RWDD2B: variants seen among roughly 807,000 people sequenced by gnomAD.
RWDD2B encodes RWD domain containing 2B.
In RWDD2B, 36 loss-of-function variants were observed where a neutral mutation model predicts 33.6. The observed-to-expected ratio is 1.07, with a 90% CI of 0.82 to 1.42. The LOEUF is 1.42. Among genes scored for constraint, RWDD2B ranks in the 40% most tolerant of loss-of-function variants. The pLI, the probability that RWDD2B is intolerant of heterozygous loss-of-function variation, is 0.00. For missense variants in RWDD2B, 364 were observed against 377.5 expected, an observed-to-expected ratio of 0.96 and a Z score of 0.30; for synonymous variants, 126 against 133.1, an observed-to-expected ratio of 0.95 and a Z score of 0.37.
Position 29,007,990 on chromosome 21 carries a change from C to T in RWDD2B, c.496G>A (p.Val166Ile), listed in dbSNP as rs745820456. The change falls in exon 4 of 5, where the codon GTC (valine) becomes ATC (isoleucine). Residue 166 changes from valine to isoleucine, a missense_variant. Transcript: ENST00000493196. ...GGTGAAGATGAAGTATCTCTGCTGA[C>T]ATAGCCAGAGGCGTGTTCTCTAACC... ...EWVREHASGYVSRDTSSSPTT... is the reference protein window; with the variant it reads ...EWVREHASGYISRDTSSSPTT... 1 of 1,614,232 alleles carries T rather than the reference C, an allele frequency of 6.2e-7. No homozygotes were observed. Among genetic ancestry groups the T allele is most frequent in the Non-Finnish European group, 8.5e-7 (1 of 1,180,046 alleles).
intron 1 of RWDD2B, among the ~76,000 whole-genome samples, chr21:29,011,418 G>A (rs2084858322): frequency 6.7e-6 from 1 of 149,990 alleles, no homozygotes; most frequent in African/African-American, 2.5e-5. Context: ...GAAGTGAGGA[G>A]CCCCTCCGCC....
At chr21:29,016,952 A>G (rs1204727986) in intron 1 of RWDD2B, among the ~76,000 whole-genome samples, 1 of 143,946 alleles carries the variant, frequency 6.9e-6, no homozygotes, top group African/African-American at 2.5e-5. Flanking sequence ...TACTATTATT[A>G]TTAATTAAAA....
At chr21:29,016,339 A>G (rs2084890116) in intron 1 of RWDD2B, among the ~76,000 whole-genome samples, 1 of 152,086 alleles carries the variant, frequency 6.6e-6, no homozygotes, top group African/African-American at 2.4e-5. Context: ...ATCTCGGCTC[A>G]CTGCAATCTC....
chr21:29,019,078 G>T, intron 1 of RWDD2B, 133 bp downstream of exon 1: 2 of 713,796 alleles, frequency 2.8e-6, no homozygotes, highest in South Asian at 3.5e-5. Context: ...GGACCGAGCC[G>T]ACCGATGGGC....
chr21:29,007,377 C>T (rs867922207), intron 4 of RWDD2B, among the ~76,000 whole-genome samples: 7 of 152,246 alleles, frequency 4.6e-5, no homozygotes, highest in African/African-American at 1.4e-4. Flanking sequence ...CTGGGACATA[C>T]TTATCTCCAC....
At position 29,008,520 on chromosome 21, in the gene RWDD2B, T is replaced by C. The variant is rs1455661149; in HGVS notation, c.169A>G (p.Ile57Val). Residue 57 changes from isoleucine (I) to valine (V), a missense_variant, in exon 2 of 5, where the codon ATA (isoleucine) becomes GTA (valine). Ile to Val is a conservative substitution (Grantham distance 29, BLOSUM62 3). Transcript: ENST00000493196. The stretch of plus-strand genomic sequence containing the variant: ...GCTACAGCCAGCTGGTCATTCACTA[T>C]GAGCTCATTCTCACCAGGGAACATA... ...ASMFPGENEL[I>V]VNDQLAVAEL... 1 of 1,613,598 alleles carries C rather than the reference T, an allele frequency of 6.2e-7. No individual in the cohort carries two copies. The highest frequency in any genetic ancestry group is 8.5e-7 in the Non-Finnish European group (1 of 1,179,460).
At chr21:29,015,015 G>C (rs968337206) in intron 1 of RWDD2B, among the ~76,000 whole-genome samples, 2 of 151,902 alleles carry the variant, frequency 1.3e-5, no homozygotes, top group Non-Finnish European at 2.9e-5. Context: ...CATTTCTGCA[G>C]AATATTTTCA....
chr21:29,019,102 G>C lies in RWDD2B; in HGVS notation c.67+109C>G, dbSNP rs1289492533. ...CGACCGATGGGCGCATGCAGTGAGG[G>C]GAACCGGGGCCGCCATGCCGGGCAC... On this transcript the variant is annotated intron_variant, in intron 1 of 4. Transcript: ENST00000493196. 9 of 892,412 alleles carry C rather than the reference G, an allele frequency of 1.0e-5. No individual in the cohort carries two copies. In the Admixed American group the frequency reaches 1.6e-4, roughly 16 times the overall value. The allele number at this position is 892,412 out of a possible 1,614,324, so 55.3% of individuals were successfully genotyped here. A position where few individuals can be genotyped will look rare whatever the true frequency, so the allele number is the denominator to read the frequency against.
chr21:29,012,182 C>CCA (rs1555851480), intron 1 of RWDD2B, among the ~76,000 whole-genome samples: 4 of 141,638 alleles, frequency 2.8e-5, no homozygotes, highest in Non-Finnish European at 6.2e-5. Context: ...GGTCAGCCCC[C>CCA]CCCCGGGAGG....
At chr21:29,017,202 T>G (rs1239606044) in intron 1 of RWDD2B, among the ~76,000 whole-genome samples, 2 of 152,110 alleles carry the variant, frequency 1.3e-5, no homozygotes, top group Non-Finnish European at 2.9e-5. Flanking sequence ...TGGTCATCAT[T>G]TCAACAAATG....
intron 4 of RWDD2B, 43 bp downstream of exon 4, chr21:29,007,718 T>C: frequency 6.4e-7 from 1 of 1,573,400 alleles, no homozygotes; most frequent in Non-Finnish European, 8.6e-7. Context: ...TGTTTAGTAT[T>C]AACATTATTG....
intron 1 of RWDD2B, among the ~76,000 whole-genome samples, chr21:29,010,737 G>A (rs1044372380): frequency 9.2e-5 from 14 of 151,368 alleles, no homozygotes; most frequent in Non-Finnish European, 1.9e-4. Context: ...GGACGGTACT[G>A]CTGCCATCTC....
At chr21:29,009,066 CTTCTTT>C (rs1869548320) in intron 1 of RWDD2B, among the ~76,000 whole-genome samples, 1 of 152,158 alleles carries the variant, frequency 6.6e-6, no homozygotes, top group Non-Finnish European at 1.5e-5. Flanking sequence ...TGGTCAATTT[CTTCTTT>C]TTAAGTAAAT....
At chr21:29,007,555 A>G (rs573402959) in intron 4 of RWDD2B, among the ~76,000 whole-genome samples, 8 of 152,200 alleles carry the variant, frequency 5.3e-5, no homozygotes, top group Non-Finnish European at 8.8e-5. Context: ...TCCCAGCACC[A>G]TTACTGAATA....
intron 1 of RWDD2B, among the ~76,000 whole-genome samples, chr21:29,011,848 A>G (rs2084863230): frequency 9.2e-6 from 1 of 108,526 alleles, no homozygotes; most frequent in South Asian, 3.6e-4. Context: ...CTGGGAAGTG[A>G]GGAGCCCCTC....
At chr21:29,010,775 C>T (rs1249842953) in intron 1 of RWDD2B, among the ~76,000 whole-genome samples, 2 of 151,672 alleles carry the variant, frequency 1.3e-5, no homozygotes, top group African/African-American at 4.8e-5. Flanking sequence ...CTGCCTGATT[C>T]TCCTGCCTCA....
chr21:29,008,521 G>A lies in RWDD2B; in HGVS notation c.168C>T (p.Leu56=), dbSNP rs2084840969. 1.2e-6 allele frequency: 2 copies of A among 1,613,970 alleles called. No homozygotes were observed. Among genetic ancestry groups the A allele is most frequent in the Admixed American group, 1.7e-5 (1 of 60,002 alleles). Residue 56 remains leucine, a synonymous_variant, in exon 2 of 5, where the codon CTC becomes CTT. Transcript: ENST00000493196. ...LASMFPGENE[L]IVNDQLAVAE... ...CTACAGCCAGCTGGTCATTCACTAT[G>A]AGCTCATTCTCACCAGGGAACATAC...
At position 29,008,572 on chromosome 21, in the gene RWDD2B, C is replaced by A; in HGVS notation, c.117G>T (p.Gln39His). ...TGGCTAGCAGGTCTAACTCAGCAAG[C>A]TGGGCCTCCGCCTGCTCCATCTCAA... ...KMIEMEQAEA[Q>H]LAELDLLASM... The change falls in exon 2 of 5, where the codon CAG (glutamine) becomes CAT (histidine). Residue 39 changes from glutamine to histidine, a missense_variant. Physicochemically the swap from Gln to His is conservative, Grantham distance 24 (BLOSUM62 0). Coordinates refer to ENST00000493196, the MANE Select transcript of RWDD2B (RefSeq NM_016940.3). 6.2e-7 allele frequency: 1 copy of A among 1,614,086 alleles called. No individual in the cohort carries two copies. Among genetic ancestry groups the A allele is most frequent in the African/African-American group, 1.3e-5 (1 of 75,056 alleles).
At chr21:29,013,524 C>T (rs1370950542) in intron 1 of RWDD2B, among the ~76,000 whole-genome samples, 2 of 151,812 alleles carry the variant, frequency 1.3e-5, no homozygotes, top group African/African-American at 4.8e-5. Flanking sequence ...CCCACCTCTA[C>T]TAAAAACACA....
Sources: gnomAD v4.1 joint callset for allele counts (sites outside exome capture counted in the v4.1 genomes callset) on GRCh38, gnomAD v4.1.1 for gene constraint, MANE v1.5 for transcripts, NCBI Gene and HGNC (gene_info 2026-07-23, HGNC 2026-07-21) for gene names.